Variants in SSH2 observed in about 807,000 individuals in gnomAD.
SSH2 encodes the protein protein phosphatase Slingshot homolog 2.
SSH2 carries 37 observed loss-of-function variants against 135.2 expected under a neutral mutation model. That is an observed-to-expected ratio of 0.27 (90% CI 0.21 to 0.36). The LOEUF is 0.36. Among genes scored for constraint, SSH2 ranks in the 10% least tolerant of loss-of-function variants. SSH2 has a pLI of 1.00. For missense variants in SSH2, 1,408 were observed against 1,765.3 expected, an observed-to-expected ratio of 0.80 and a Z score of 3.63; for synonymous variants, 628 against 646.2, an observed-to-expected ratio of 0.97 and a Z score of 0.43.
intron 1 of SSH2, among the ~76,000 whole-genome samples, chr17:29,919,792 A>T (rs1443828558): frequency 6.6e-6 from 1 of 152,096 alleles, no homozygotes; most frequent in Non-Finnish European, 1.5e-5. Flanking sequence ...ACAAATAAAC[A>T]TAAAACATGG....
chr17:29,676,576 C>G (rs942127333), intron 8 of SSH2: 4 of 446,294 alleles, frequency 9.0e-6, no homozygotes, highest in Non-Finnish European at 1.6e-5. Flanking sequence ...ACCGTTAAGT[C>G]TCTGCCAGAG....
intron 1 of SSH2, among the ~76,000 whole-genome samples, chr17:29,859,824 G>A (rs1036799579): frequency 5.9e-5 from 9 of 152,014 alleles, no homozygotes; most frequent in African/African-American, 2.2e-4. Context: ...GGGGATTGTT[G>A]GGTCGAATGG....
intron 3 of SSH2, among the ~76,000 whole-genome samples, chr17:29,752,589 T>A (rs1197026174): frequency 6.6e-6 from 1 of 151,952 alleles, no homozygotes; most frequent in East Asian, 1.9e-4. Flanking sequence ...AAAATAACAC[T>A]TTGAGAATCC....
chr17:29,661,696 T>C (rs539295187), intron 11 of SSH2, among the ~76,000 whole-genome samples: 2 of 152,348 alleles, frequency 1.3e-5, no homozygotes, highest in Non-Finnish European at 2.9e-5. Context: ...ACCACCTCAC[T>C]TCTTAATTTA....
intron 3 of SSH2, among the ~76,000 whole-genome samples, chr17:29,741,934 CT>C (rs71138848): frequency 0.29 from 27,913 of 97,814 alleles, 2,808 homozygotes; most frequent in Non-Finnish European, 0.33. Context: ...ATTTTTTTTT[CT>C]TTTTTTTTTT....
rs1345077278 is a variant in SSH2 at position 29,779,601 on chromosome 17, G to A, written c.188+14293C>T. 1.4e-5 allele frequency among the ~76,000 whole-genome samples: 2 copies of A among 146,826 alleles called. 1 individual carries two copies. The highest frequency in any genetic ancestry group is 7.9e-3 in the Middle Eastern group (2 of 252). ...ACGCCTGTAATCCCAGCACTTTGGG[G>A]TCAGGATTCGAGACCAGCCTGGCCA... On this transcript the variant is annotated intron_variant, in intron 3 of 15. Transcript: ENST00000540801.
rs2036447169 is a variant in SSH2 at position 29,648,034 on chromosome 17, G to GA, written c.1427+109dup. 6.3e-5 allele frequency: 68 copies of GA among 1,071,528 alleles called. 2 individuals carry two copies. In the South Asian group the frequency reaches 9.3e-4, roughly 15 times the overall value. The allele number at this position is 1,071,528 out of a possible 1,614,324, so 66.4% of individuals were successfully genotyped here. The stretch of plus-strand genomic sequence containing the variant: ...ATTGATAGAGAAATAAGTCTTTTTT[G>GA]AAAAAATATCACATCCAAATCAGCT... On this transcript the variant is annotated intron_variant, in intron 14 of 15. Transcript: ENST00000540801.
intron 2 of SSH2, among the ~76,000 whole-genome samples, chr17:29,840,506 C>T (rs1443479586): frequency 6.6e-6 from 1 of 152,150 alleles, no homozygotes; most frequent in Non-Finnish European, 1.5e-5. Flanking sequence ...ATATTTTTGG[C>T]CTTTCAATAG....
chr17:29,712,521 T>C (rs2039471602), intron 3 of SSH2, among the ~76,000 whole-genome samples: 1 of 152,214 alleles, frequency 6.6e-6, no homozygotes, highest in African/African-American at 2.4e-5. Context: ...AATTCATTTC[T>C]GGCTGAGCGC....
chr17:29,757,171 C>T (rs1006425359), intron 3 of SSH2, among the ~76,000 whole-genome samples: 10 of 152,162 alleles, frequency 6.6e-5, no homozygotes, highest in Non-Finnish European at 1.5e-4. Flanking sequence ...CTAGTTATTG[C>T]TATGTACCAC....
At chr17:29,659,684 C>T (rs150156114) in intron 11 of SSH2, among the ~76,000 whole-genome samples, 8,276 of 152,070 alleles carry the variant, frequency 0.054, 337 homozygotes, top group Non-Finnish European at 0.087. Flanking sequence ...CCACCATGCC[C>T]GGCTAATTTT....
At chr17:29,879,469 C>T (rs1156390015) in intron 1 of SSH2, among the ~76,000 whole-genome samples, 1 of 151,640 alleles carries the variant, frequency 6.6e-6, no homozygotes. Context: ...TATATATCCC[C>T]TGCCTCCACA....
intron 11 of SSH2, among the ~76,000 whole-genome samples, chr17:29,661,814 A>G (rs556597184): frequency 2.1e-4 from 32 of 152,306 alleles, no homozygotes; most frequent in Non-Finnish European, 4.3e-4. Flanking sequence ...GTTCAACCTG[A>G]CAATGTGAAG....
intron 3 of SSH2, among the ~76,000 whole-genome samples, chr17:29,728,770 A>G (rs1220941719): frequency 6.6e-6 from 1 of 152,232 alleles, no homozygotes; most frequent in Non-Finnish European, 1.5e-5. Context: ...CTCATTTTTG[A>G]CAAAAGTGTC....
chr17:29,762,434 C>G (rs2041345902), intron 3 of SSH2, among the ~76,000 whole-genome samples: 1 of 152,082 alleles, frequency 6.6e-6, no homozygotes, highest in South Asian at 2.1e-4. Flanking sequence ...TTTCAAAGCT[C>G]CCCAGGTGAT....
chr17:29,851,074 G>A (rs1358922170), intron 1 of SSH2, among the ~76,000 whole-genome samples: 1 of 152,034 alleles, frequency 6.6e-6, no homozygotes. Context: ...TTTGGAGGGG[G>A]GAGAATAAGA....
At chr17:29,636,894 T>C in intron 14 of SSH2, 92 bp from the exon 15 acceptor site, 4 of 914,848 alleles carry the variant, frequency 4.4e-6, no homozygotes, top group Non-Finnish European at 6.6e-6. Context: ...AATCTTAACT[T>C]GTAAAAATGC....
chr17:29,694,696 C>T (rs1598818532), intron 5 of SSH2, among the ~76,000 whole-genome samples: 1 of 152,038 alleles, frequency 6.6e-6, no homozygotes, highest in East Asian at 1.9e-4. Context: ...AAATTAAGAA[C>T]CCATGCTAGA....
intron 2 of SSH2, among the ~76,000 whole-genome samples, chr17:29,845,683 C>G (rs368689276): frequency 5.3e-5 from 8 of 152,130 alleles, no homozygotes; most frequent in African/African-American, 1.4e-4. Context: ...CCTTAGCCTC[C>G]CAAGTAGCTA....
Sources: gnomAD v4.1 joint callset for allele counts (sites outside exome capture counted in the v4.1 genomes callset) on GRCh38, gnomAD v4.1.1 for gene constraint, MANE v1.5 for transcripts, NCBI Gene and HGNC (gene_info 2026-07-23, HGNC 2026-07-21) for gene names.